FREM2: variants seen among roughly 807,000 people sequenced by gnomAD.
The protein encoded by FREM2 is FRAS1-related extracellular matrix protein 2.
A neutral mutation model predicts 219.9 loss-of-function variants in FREM2; 119 were observed. The observed-to-expected ratio is 0.54, with a 90% CI of 0.47 to 0.63. The LOEUF (loss-of-function observed/expected upper bound fraction) is 0.63. Ranked by LOEUF, FREM2 falls within the 30% of genes least tolerant of loss-of-function variation. The pLI, the probability that FREM2 is intolerant of heterozygous loss-of-function variation, is 0.00. For missense variants in FREM2, 4,030 were observed against 3,993.6 expected, an observed-to-expected ratio of 1.01 and a Z score of -0.25; for synonymous variants, 1,562 against 1,522.8, an observed-to-expected ratio of 1.03 and a Z score of -0.60.
intron 2 of FREM2, among the ~76,000 whole-genome samples, chr13:38,717,819 C>T (rs941389526): frequency 6.6e-5 from 10 of 152,166 alleles, no homozygotes; most frequent in African/African-American, 2.4e-4. Context: ...AATGACCTTT[C>T]AGATATAGAT....
Position 38,880,722 on chromosome 13 carries a change from G to A in FREM2, c.9445G>A (p.Gly3149Ser). The A allele has an allele frequency of 6.2e-7, 1 of 1,614,172 alleles. No homozygotes were observed. The highest frequency in any genetic ancestry group is 8.5e-7 in the Non-Finnish European group (1 of 1,180,028). ...ESFRGKDAPK[G>S]SSSSEPMVPP... ...TTTCAGGGGGAAGGATGCCCCGAAA[G>A]GCTCCAGCAGCAGTGAGCCCATGGT... The change falls in exon 24 of 24, where the codon GGC (glycine) becomes AGC (serine). Residue 3149 changes from glycine (G) to serine (S), a missense_variant. Physicochemically the swap from Gly to Ser is moderately conservative, Grantham distance 56 (BLOSUM62 0). This residue lies in a region of FREM2 where 928 missense variants were observed against 1,042.9 expected (regional missense o/e 0.89). Transcript: ENST00000280481.
At chr13:38,776,350 T>G (rs894748539) in intron 4 of FREM2, among the ~76,000 whole-genome samples, 1 of 152,320 alleles carries the variant, frequency 6.6e-6, no homozygotes, top group Non-Finnish European at 1.5e-5. Flanking sequence ...TTATAGCAGA[T>G]TTTTAGAAGA....
Position 38,691,968 on chromosome 13 carries a change from G to T in FREM2, c.4624G>T (p.Val1542Phe), listed in dbSNP as rs143064097. 6.2e-7 allele frequency: 1 copy of T among 1,614,190 alleles called. No individual in the cohort carries two copies. Among genetic ancestry groups the T allele is most frequent in the Non-Finnish European group, 8.5e-7 (1 of 1,180,038 alleles). The change falls in exon 1 of 24, where the codon GTT becomes TTT. Residue 1542 changes from valine to phenylalanine, a missense_variant. This residue lies in a region of FREM2 where 3,102 missense variants were observed against 2,950.7 expected (regional missense o/e 1.05). Transcript: ENST00000280481. Reference sequence around the variant, plus strand: ...GCCAGTGGTCACCATCCACAAGCTGGTTGTCAGTGAAAGTGAAAACAAGCT... The same window carrying T: ...GCCAGTGGTCACCATCCACAAGCTGTTTGTCAGTGAAAGTGAAAACAAGCT... ...KKPVVTIHKLVVSESENKLIT... is the reference protein window; with the variant it reads ...KKPVVTIHKLFVSESENKLIT...
chr13:38,731,174 G>C (rs999774690), intron 2 of FREM2, among the ~76,000 whole-genome samples: 11 of 152,176 alleles, frequency 7.2e-5, no homozygotes, highest in African/African-American at 2.4e-4. Context: ...CAAAGTCTAT[G>C]TGAACTTCTA....
At chr13:38,785,308 A>T (rs1211267673) in intron 6 of FREM2, among the ~76,000 whole-genome samples, 2 of 152,254 alleles carry the variant, frequency 1.3e-5, no homozygotes, top group Non-Finnish European at 2.9e-5. Context: ...AGAATATCCT[A>T]GATCATTCTT....
At chr13:38,758,515 G>C (rs1873103091) in intron 2 of FREM2, among the ~76,000 whole-genome samples, 1 of 152,130 alleles carries the variant, frequency 6.6e-6, no homozygotes, top group Non-Finnish European at 1.5e-5. Context: ...CATTATCTAG[G>C]TGCCTGTGCC....
intron 8 of FREM2, among the ~76,000 whole-genome samples, chr13:38,849,545 CATG>C (rs1459500500): frequency 6.6e-6 from 1 of 152,170 alleles, no homozygotes; most frequent in African/African-American, 2.4e-5. Flanking sequence ...ACTCTTCAAT[CATG>C]ATGATTTCAA....
intron 6 of FREM2, among the ~76,000 whole-genome samples, chr13:38,835,064 G>C (rs562910148): frequency 1.3e-5 from 2 of 152,230 alleles, no homozygotes; most frequent in South Asian, 2.1e-4. Context: ...TTTTCCCCTA[G>C]GGTTTTTATG....
At chr13:38,716,328 A>G (rs984426816) in intron 2 of FREM2, among the ~76,000 whole-genome samples, 9 of 150,918 alleles carry the variant, frequency 6.0e-5, no homozygotes, top group African/African-American at 2.0e-4. Flanking sequence ...ATAGGTACTT[A>G]TGCAAAATTC....
intron 2 of FREM2, among the ~76,000 whole-genome samples, chr13:38,748,072 C>T (rs1052464764): frequency 2.6e-4 from 40 of 151,944 alleles, no homozygotes; most frequent in Admixed American, 1.5e-3. Flanking sequence ...TGGAACTGGC[C>T]AAAATCCTAA....
intron 3 of FREM2, among the ~76,000 whole-genome samples, chr13:38,767,198 T>C (rs1873470699): frequency 6.6e-6 from 1 of 152,234 alleles, no homozygotes; most frequent in Non-Finnish European, 1.5e-5. Flanking sequence ...ATGGCCTGGA[T>C]GGGATATAAA....
intron 6 of FREM2, among the ~76,000 whole-genome samples, chr13:38,821,149 C>G (rs1308816418): frequency 6.6e-6 from 1 of 152,064 alleles, no homozygotes; most frequent in Non-Finnish European, 1.5e-5. Flanking sequence ...ATAAATGTTA[C>G]CTTTCAGAGG....
rs186333175 is a variant in FREM2 at position 38,690,671 on chromosome 13, G to A, written c.3327G>A (p.Gln1109=). The change falls in exon 1 of 24, where the codon CAG becomes CAA. Residue 1109 remains glutamine, a synonymous_variant. Coordinates refer to ENST00000280481, the MANE Select transcript of FREM2 (RefSeq NM_207361.6). Reference sequence around the variant, plus strand: ...ACATCTTGTGCACTATAGTTATTCAGCCTACTTCAGGTTATGTTGAAAACA... The same window carrying A: ...ACATCTTGTGCACTATAGTTATTCAACCTACTTCAGGTTATGTTGAAAACA... ...NDDILCTIVI[Q]PTSGYVENIS... is the part of the protein sequence containing the mutation. The A allele has an allele frequency of 3.1e-6, 5 of 1,613,864 alleles. No individual in the cohort carries two copies. Among genetic ancestry groups the A allele is most frequent in the Admixed American group, 3.3e-5 (2 of 60,020 alleles).
intron 2 of FREM2, among the ~76,000 whole-genome samples, chr13:38,754,994 C>T (rs1184879187): frequency 6.6e-6 from 1 of 151,574 alleles, no homozygotes; most frequent in Admixed American, 6.6e-5. Context: ...CCTCTGCCTC[C>T]CAGGTTCAAG....
intron 16 of FREM2, among the ~76,000 whole-genome samples, chr13:38,869,871 A>G (rs1878100899): frequency 6.6e-6 from 1 of 152,196 alleles, no homozygotes; most frequent in Non-Finnish European, 1.5e-5. Flanking sequence ...ATAATTGAAG[A>G]CTGCAGATCA....
At chr13:38,848,387 T>C in intron 7 of FREM2, 74 bp from the exon 8 acceptor site, 2 of 1,021,108 alleles carry the variant, frequency 2.0e-6, no homozygotes. Flanking sequence ...TAAACACAAT[T>C]ACATAATTTA....
intron 6 of FREM2, among the ~76,000 whole-genome samples, chr13:38,817,803 A>G (rs539129782): frequency 1.3e-5 from 2 of 152,272 alleles, no homozygotes; most frequent in Admixed American, 6.5e-5. Flanking sequence ...TTTGCAAACT[A>G]TAGATGCGAA....
chr13:38,794,655 C>T (rs75254611), intron 6 of FREM2, among the ~76,000 whole-genome samples: 5,049 of 151,050 alleles, frequency 0.033, 137 homozygotes, highest in African/African-American at 0.076. Flanking sequence ...GTGTATTCTT[C>T]GTTTTTTTTT....
chr13:38,687,430 G>GGCTGCTGCT lies in FREM2; in HGVS notation c.99_107dup (p.Leu36_Leu38dup). On this transcript the variant is annotated inframe_insertion, in exon 1 of 24. Coordinates refer to ENST00000280481, the MANE Select transcript of FREM2 (RefSeq NM_207361.6). ...CAACCAGGACCGCCACCGCCGCCCC[G>GGCTGCTGCT]GCTGCTGCTGCTGCTGCTGCTTCTC... 3 of 1,599,342 alleles carry GGCTGCTGCT rather than the reference G, an allele frequency of 1.9e-6. No individual in the cohort carries two copies. The highest frequency in any genetic ancestry group is 1.7e-6 in the Non-Finnish European group (2 of 1,173,530).
Sources: gnomAD v4.1 joint callset for allele counts (sites outside exome capture counted in the v4.1 genomes callset) on GRCh38, gnomAD v4.1.1 for gene constraint, gnomAD v4.1.1 regional missense constraint, MANE v1.5 for transcripts, NCBI Gene and HGNC (gene_info 2026-07-23, HGNC 2026-07-21) for gene names.